Variants in AAK1 observed in about 807,000 individuals in gnomAD.
AAK1 encodes AP2 associated kinase 1, also known as AP2-associated protein kinase 1.
AAK1 carries 37 observed loss-of-function variants against 116.0 expected under a neutral mutation model. The observed-to-expected ratio is 0.32, with a 90% CI of 0.25 to 0.42. The LOEUF is 0.42. Among genes scored for constraint, AAK1 ranks in the 10% least tolerant of loss-of-function variants. The pLI is 1.00. For missense variants in AAK1, 919 were observed against 1,170.6 expected (o/e 0.79, Z 3.14); for synonymous variants, 458 against 439.9 (o/e 1.04, Z -0.51).
At chr2:69,591,523 CTTT>C (rs557305954) in intron 2 of AAK1, among the ~76,000 whole-genome samples, 5 of 129,998 alleles carry the variant, frequency 3.8e-5, no homozygotes, top group Non-Finnish European at 4.8e-5. Context: ...TTTTCTTTTT[CTTT>C]TTTTTTTTTT....
intron 2 of AAK1, among the ~76,000 whole-genome samples, chr2:69,636,035 A>G (rs1459382898): frequency 6.6e-6 from 1 of 152,200 alleles, no homozygotes; most frequent in Non-Finnish European, 1.5e-5. Context: ...CATTCAGTCA[A>G]TGTTCAGTCA....
chr2:69,622,662 G>T (rs1225926619), intron 2 of AAK1, among the ~76,000 whole-genome samples: 1 of 151,938 alleles, frequency 6.6e-6, no homozygotes, highest in African/African-American at 2.4e-5. Flanking sequence ...TCTGTATCTA[G>T]TTAATCTGGT....
intron 2 of AAK1, among the ~76,000 whole-genome samples, chr2:69,632,051 G>A (rs1306822313): frequency 3.3e-5 from 5 of 150,964 alleles, no homozygotes; most frequent in South Asian, 2.1e-4. Context: ...GAGAAAGGAG[G>A]TATAAAATGC....
In AAK1 at chr2:69,472,754, G is replaced by A. The variant is rs189703773; in HGVS notation, c.*3115C>T. The A allele has an allele frequency of 6.2e-5, 61 of 985,344 alleles. No individual in the cohort carries two copies. The highest frequency in any genetic ancestry group is 7.0e-5 in the African/African-American group (4 of 57,340). 61.0% of individuals were successfully genotyped at this position (985,344 alleles called of 1,614,324 possible). A position where few individuals can be genotyped will look rare whatever the true frequency, so the allele number is the denominator to read the frequency against. ...AAACATATGCTTATAGTATTTGCCC[G>A]TTTTAAACTGGTAGATGCCTGATTA... On this transcript the variant is annotated 3_prime_UTR_variant, in exon 22 of 22. Transcript: ENST00000409085.
intron 2 of AAK1, among the ~76,000 whole-genome samples, chr2:69,628,435 C>T (rs1434535470): frequency 1.3e-5 from 2 of 152,108 alleles, no homozygotes; most frequent in South Asian, 2.1e-4. Context: ...CAAGATCACC[C>T]GGTGATCTCC....
chr2:69,562,417 A>T (rs991519795), intron 2 of AAK1, among the ~76,000 whole-genome samples: 2 of 152,238 alleles, frequency 1.3e-5, no homozygotes, highest in Non-Finnish European at 2.9e-5. Flanking sequence ...CACCAATGAA[A>T]TTACTGAGAT....
intron 2 of AAK1, among the ~76,000 whole-genome samples, chr2:69,593,134 A>G (rs370587729): frequency 2.0e-5 from 3 of 152,354 alleles, no homozygotes; most frequent in South Asian, 4.1e-4. Flanking sequence ...ATACATTGGA[A>G]GCATTCAGAA....
chr2:69,554,378 C>T (rs112621045), intron 3 of AAK1, among the ~76,000 whole-genome samples: 300 of 152,120 alleles, frequency 2.0e-3, no homozygotes, highest in African/African-American at 6.3e-3. Flanking sequence ...AAACTCAGAC[C>T]AAGAGAGGAA....
At chr2:69,488,108 T>C (rs1012271152) in intron 17 of AAK1, among the ~76,000 whole-genome samples, 3 of 151,842 alleles carry the variant, frequency 2.0e-5, no homozygotes, top group African/African-American at 7.3e-5. Flanking sequence ...TACTCTGATA[T>C]TTTTAGAACT....
At chr2:69,476,023 A>AG in intron 21 of AAK1, 60 bp from the exon 22 acceptor site, 3 of 1,520,346 alleles carry the variant, frequency 2.0e-6, no homozygotes, top group Middle Eastern at 1.7e-4. Context: ...TTAGATGTGC[A>AG]GAGCAAGCAA....
chr2:69,514,802 A>G (rs1676518656), intron 12 of AAK1, 53 bp from the exon 13 acceptor site: 3 of 1,489,770 alleles, frequency 2.0e-6, no homozygotes, highest in Non-Finnish European at 2.7e-6. Flanking sequence ...TAATAGTCAC[A>G]AAAGACAAAT....
chr2:69,515,581 G>A (rs776229307), intron 12 of AAK1, among the ~76,000 whole-genome samples: 6 of 151,924 alleles, frequency 3.9e-5, no homozygotes, highest in Non-Finnish European at 8.8e-5. Context: ...CTCCCGCTTC[G>A]GCCTCTGAAG....
At chr2:69,622,374 C>T (rs555013843) in intron 2 of AAK1, among the ~76,000 whole-genome samples, 4 of 152,280 alleles carry the variant, frequency 2.6e-5, no homozygotes, top group South Asian at 2.1e-4. Flanking sequence ...AGCGCCACCC[C>T]CTGCTCCACA....
Position 69,482,732 on chromosome 2 carries a change from TA to T in AAK1, c.2445del (p.Ser816AlafsTer6). The stretch of plus-strand genomic sequence containing the variant: ...TTACCAATTACAGCATCAGAAGTGC[TA>T]CCAAAAGGATCTGTCATAGGCAAGA... Reference protein sequence around the residue: ...PDLLPMTDPFGSTSDAVIEKA... With the variant: ...PDLLPMTDPFXSTSDAVIEKA... On this transcript the variant is annotated frameshift_variant, in exon 18 of 22. Transcript: ENST00000409085. LOFTEE classifies it high-confidence loss of function. 1 of 1,612,030 alleles carries T rather than the reference TA, an allele frequency of 6.2e-7. No individual in the cohort carries two copies. The highest frequency in any genetic ancestry group is 8.5e-7 in the Non-Finnish European group (1 of 1,178,114).
chr2:69,479,947 G>A (rs753249079), intron 19 of AAK1, among the ~76,000 whole-genome samples: 3 of 151,988 alleles, frequency 2.0e-5, no homozygotes, highest in African/African-American at 4.8e-5. Flanking sequence ...TGGAGACGGC[G>A]TTTCTCCATG....
intron 12 of AAK1, chr2:69,516,894 C>T (rs985976493): frequency 3.3e-5 from 5 of 152,162 alleles, no homozygotes; most frequent in African/African-American, 1.2e-4. Context: ...ATGAGGACCT[C>T]CCGGGAGCAG....
chr2:69,615,523 C>T (rs745580818), intron 2 of AAK1, among the ~76,000 whole-genome samples: 3 of 152,218 alleles, frequency 2.0e-5, no homozygotes, highest in South Asian at 2.1e-4. Flanking sequence ...AGGACCTCCC[C>T]AATCCTCCCT....
rs1234398989 is a variant in AAK1, at chr2:69,466,335, T to C, written c.*9534A>G. On this transcript the variant is annotated 3_prime_UTR_variant, in exon 22 of 22. Transcript: ENST00000409085. Reference sequence around the variant, plus strand: ...CCGAGACCCACTGCAGTCCAGCATGTCTCCTTCAAGGTCAGTCCCTTCCTC... The same window carrying C: ...CCGAGACCCACTGCAGTCCAGCATGCCTCCTTCAAGGTCAGTCCCTTCCTC... 2.3e-6 allele frequency: 3 copies of C among 1,289,800 alleles called. No homozygotes were observed. Among genetic ancestry groups the C allele is most frequent in the Non-Finnish European group, 3.0e-6 (3 of 988,862 alleles). 79.9% of individuals were successfully genotyped at this position (1,289,800 alleles called of 1,614,324 possible).
At chr2:69,592,653 G>C (rs971586111) in intron 2 of AAK1, among the ~76,000 whole-genome samples, 1 of 152,090 alleles carries the variant, frequency 6.6e-6, no homozygotes, top group African/African-American at 2.4e-5. Flanking sequence ...AACCCACAAA[G>C]TTAGTGGCAA....
Sources: gnomAD v4.1 joint callset for allele counts (sites outside exome capture counted in the v4.1 genomes callset) on GRCh38, gnomAD v4.1.1 for gene constraint, MANE v1.5 for transcripts, NCBI Gene and HGNC (gene_info 2026-07-23, HGNC 2026-07-21) for gene names.